Variants in PATJ observed in about 807,000 individuals in gnomAD.
PATJ encodes inaD-like protein.
PATJ carries 190 observed loss-of-function variants against 224.9 expected under a neutral mutation model. The observed-to-expected ratio is 0.84, with a 90% CI of 0.75 to 0.95. The LOEUF (loss-of-function observed/expected upper bound fraction) is 0.95, where lower values mean the gene tolerates loss of function less well. Ranked by LOEUF, PATJ falls within the 40% of genes least tolerant of loss-of-function variation. The pLI is 0.00. For missense variants in PATJ, 2,121 were observed against 2,270.3 expected, an observed-to-expected ratio of 0.93 and a Z score of 1.34; for synonymous variants, 769 against 820.3, an observed-to-expected ratio of 0.94 and a Z score of 1.07.
At chr1:62,030,692 A>C (rs1387976688) in intron 29 of PATJ, among the ~76,000 whole-genome samples, 1 of 152,198 alleles carries the variant, frequency 6.6e-6, no homozygotes, top group African/African-American at 2.4e-5. Context: ...TCCTTCTCCC[A>C]AGAGCCACCT....
chr1:61,803,173 G>C (rs190789305), intron 12 of PATJ, among the ~76,000 whole-genome samples: 14 of 151,886 alleles, frequency 9.2e-5, no homozygotes, highest in Non-Finnish European at 1.9e-4. Context: ...AAAGTTTTTC[G>C]TATCACCATT....
At chr1:62,125,236 C>CA (rs761278812) in intron 39 of PATJ, among the ~76,000 whole-genome samples, 792 of 27,334 alleles carry the variant, frequency 0.029, 13 homozygotes, top group Non-Finnish European at 0.041. Flanking sequence ...AACCCTGTCT[C>CA]AAAAAAAAAA....
At chr1:61,921,272 G>A (rs942897756) in intron 26 of PATJ, among the ~76,000 whole-genome samples, 3 of 152,150 alleles carry the variant, frequency 2.0e-5, no homozygotes, top group South Asian at 2.1e-4. Context: ...TTTGCAAAAA[G>A]ATGAGGAAAA....
At chr1:61,979,372 A>AG (rs1253633668) in intron 27 of PATJ, among the ~76,000 whole-genome samples, 1 of 152,052 alleles carries the variant, frequency 6.6e-6, no homozygotes, top group Non-Finnish European at 1.5e-5. Context: ...AAGACAGATT[A>AG]GGCCAGGCGC....
rs774803239 is a variant in PATJ at position 62,114,225 on chromosome 1, G to A, written c.4634G>A (p.Gly1545Asp). 6.2e-7 allele frequency: 1 copy of A among 1,613,980 alleles called. No homozygotes were observed. The highest frequency in any genetic ancestry group is 1.3e-5 in the African/African-American group (1 of 74,936). ...CAGAAGAAAGCTGGCCGGGGCCTGG[G>A]CCTGAGCATCGTTGGGAAACGGTAA... ...DLQKKAGRGL[G>D]LSIVGKRNGS... The change falls in exon 35 of 44, where the codon GGC becomes GAC. Residue 1545 changes from glycine (G) to aspartate (D), a missense_variant. Physicochemically the swap from Gly to Asp is moderately conservative, Grantham distance 94. Transcript: ENST00000642238.
intron 27 of PATJ, among the ~76,000 whole-genome samples, chr1:61,988,472 C>T (rs565667995): frequency 3.9e-5 from 6 of 152,216 alleles, no homozygotes; most frequent in Admixed American, 6.5e-5. Flanking sequence ...GGTTGCCGAC[C>T]AGCAAAAATG....
intron 38 of PATJ, 144 bp downstream of exon 38, chr1:62,121,439 G>T (rs140486433): frequency 0.01 from 6,434 of 621,788 alleles, 42 homozygotes; most frequent in Middle Eastern, 0.022. Flanking sequence ...TTTCTGAAAG[G>T]CATGTTCTGA....
At position 61,797,286 on chromosome 1, in the gene PATJ, G is replaced by A. The variant is rs749338187; in HGVS notation, c.1261-1G>A. On this transcript the variant is annotated splice_acceptor_variant, in intron 10 of 43. Coordinates refer to ENST00000642238, the MANE Select transcript of PATJ (RefSeq NM_001350145.3). LOFTEE classifies it high-confidence loss of function. ...GCTTAATGTTTCTCTTGATGTTTTA[G>A]GTCGATGGCGTGAACATTCAGGGTT... The A allele has an allele frequency of 6.2e-7, 1 of 1,610,654 alleles. No individual in the cohort carries two copies. The highest frequency in any genetic ancestry group is 8.5e-7 in the Non-Finnish European group (1 of 1,177,140).
intron 28 of PATJ, chr1:62,013,248 C>A: frequency 3.4e-6 from 2 of 593,198 alleles, no homozygotes; most frequent in Non-Finnish European, 4.2e-6. Flanking sequence ...AGGACCACCA[C>A]TAAAGAAGCA....
chr1:61,750,310 T>C (rs1381400130), intron 1 of PATJ, among the ~76,000 whole-genome samples: 3 of 152,204 alleles, frequency 2.0e-5, no homozygotes, highest in Non-Finnish European at 1.5e-5. Context: ...TCTGTGGGCT[T>C]TCAGGGACAG....
chr1:61,801,936 CTT>C, intron 12 of PATJ, among the ~76,000 whole-genome samples, 167 bp downstream of exon 12: 1 of 130,862 alleles, frequency 7.6e-6, no homozygotes, highest in East Asian at 2.2e-4. Context: ...TTTTTTTTTT[CTT>C]TTTTTTTTTT....
chr1:62,092,900 C>G (rs1660957920), intron 33 of PATJ, among the ~76,000 whole-genome samples: 1 of 151,924 alleles, frequency 6.6e-6, no homozygotes, highest in East Asian at 1.9e-4. Context: ...CGCGACCACA[C>G]CCAGCTAATT....
chr1:62,126,692 C>T (rs555856360), intron 39 of PATJ, among the ~76,000 whole-genome samples: 8 of 152,256 alleles, frequency 5.3e-5, no homozygotes, highest in South Asian at 2.1e-4. Flanking sequence ...TTTGTTTTAA[C>T]GCAGTCTTTT....
chr1:62,034,702 T>A (rs1156965022), intron 29 of PATJ, among the ~76,000 whole-genome samples: 1 of 152,222 alleles, frequency 6.6e-6, no homozygotes, highest in Admixed American at 6.5e-5. Context: ...TTATGAACTG[T>A]AACTTCTTAT....
chr1:61,822,845 C>G (rs532543443), intron 14 of PATJ, 100 bp from the exon 15 acceptor site: 5 of 1,374,012 alleles, frequency 3.6e-6, no homozygotes, highest in African/African-American at 1.5e-5. Flanking sequence ...TGATCTAATT[C>G]AAGAGGTGGG....
At chr1:61,883,474 G>A (rs565695106) in intron 21 of PATJ, among the ~76,000 whole-genome samples, 1 of 152,220 alleles carries the variant, frequency 6.6e-6, no homozygotes, top group Admixed American at 6.5e-5. Context: ...TATAGGCCAG[G>A]TGTGGCAGCT....
chr1:62,071,215 C>G (rs1366536014), intron 31 of PATJ, among the ~76,000 whole-genome samples: 1 of 152,146 alleles, frequency 6.6e-6, no homozygotes, highest in Non-Finnish European at 1.5e-5. Flanking sequence ...ACTCTTAGCA[C>G]CGTGGTTATG....
chr1:62,104,649 G>A (rs1013293), intron 33 of PATJ, among the ~76,000 whole-genome samples: 46,142 of 151,850 alleles, frequency 0.3, 8,614 homozygotes, highest in Non-Finnish European at 0.44. Context: ...GTATTTTCTT[G>A]TATCTTCACT....
At chr1:61,799,399 G>A (rs1015563310) in intron 11 of PATJ, among the ~76,000 whole-genome samples, 11 of 152,138 alleles carry the variant, frequency 7.2e-5, no homozygotes, top group Admixed American at 5.9e-4. Context: ...GTTTCACTAT[G>A]TTGGCCAGGC....
Sources: gnomAD v4.1 joint callset for allele counts (sites outside exome capture counted in the v4.1 genomes callset) on GRCh38, gnomAD v4.1.1 for gene constraint, MANE v1.5 for transcripts, NCBI Gene and HGNC (gene_info 2026-07-23, HGNC 2026-07-21) for gene names.